TENM1: variants seen among roughly 807,000 people sequenced by gnomAD.
The protein encoded by TENM1 is teneurin-1.
Under a neutral mutation model 174.8 loss-of-function variants are expected in TENM1, and 35 were observed. That is an observed-to-expected ratio of 0.20 (90% CI 0.15 to 0.27). The LOEUF is 0.27. Ranked by LOEUF, TENM1 falls within the 10% of genes least tolerant of loss-of-function variation. TENM1 has a pLI of 1.00. For missense variants in TENM1, 1,633 were observed against 2,130.1 expected (o/e 0.77, Z 4.59); for synonymous variants, 781 against 798.7 (o/e 0.98, Z 0.37).
the TENM1 span, among the ~76,000 whole-genome samples, chrX:124,992,044 C>T: frequency 9.0e-6 from 1 of 111,202 alleles, no homozygotes; most frequent in East Asian, 2.8e-4. Flanking sequence ...AATCAGGCTC[C>T]AAACCTCAGG....
intron 22 of TENM1, among the ~76,000 whole-genome samples, chrX:124,459,258 T>C (rs1347158214): frequency 3.6e-5 from 4 of 111,940 alleles, no homozygotes. Context: ...ACTGAAAATC[T>C]ATGAAAGATG....
At chrX:124,470,761 C>T (rs1269787277) in intron 22 of TENM1, among the ~76,000 whole-genome samples, 1 of 110,535 alleles carries the variant, frequency 9.0e-6, no homozygotes, top group African/African-American at 3.3e-5. Flanking sequence ...GTAACATGCT[C>T]AGGTGGGAGT....
chrX:124,483,566 T>C (rs1238780541), intron 21 of TENM1, among the ~76,000 whole-genome samples: 1 of 112,633 alleles, frequency 8.9e-6, no homozygotes, highest in Non-Finnish European at 1.9e-5. Context: ...GCTCACTTCT[T>C]TTTATCTCTG....
At chrX:124,534,107 T>A (rs1383121321) in intron 15 of TENM1, among the ~76,000 whole-genome samples, 1 of 111,956 alleles carries the variant, frequency 8.9e-6, no homozygotes, top group East Asian at 2.8e-4. Context: ...CTACCTGCTG[T>A]CACTATGCTA....
the TENM1 span, among the ~76,000 whole-genome samples, chrX:125,111,967 T>C: frequency 8.9e-6 from 1 of 111,779 alleles, no homozygotes; most frequent in African/African-American, 3.2e-5. Context: ...GTGAAGTGCC[T>C]GAACCCACCA....
chrX:124,905,484 T>C (rs995292355), intron 1 of TENM1, among the ~76,000 whole-genome samples: 6 of 111,824 alleles, frequency 5.4e-5, no homozygotes, highest in African/African-American at 2.0e-4. Flanking sequence ...AAATTTATTC[T>C]CCTGCCTTAA....
In TENM1 at chrX:124,611,135, C is replaced by T. The variant is rs770662149; in HGVS notation, c.2077+30656G>A. Among the ~76,000 whole-genome samples the T allele has an allele frequency of 3.6e-5, 4 of 111,923 alleles. No homozygotes were observed. The East Asian group carries it at 1.1e-3, about 32-fold the overall frequency. On this transcript the variant is annotated intron_variant, in intron 11 of 31. Coordinates refer to ENST00000422452, the Ensembl canonical transcript of TENM1. ...TTATTTTTCATTCATGCTACATGTG[C>T]AATGCAGTTCAGAAGGTGGTGCTCT...
At chrX:124,928,325 C>A (rs755316131) in intron 1 of TENM1, among the ~76,000 whole-genome samples, 25 of 111,954 alleles carry the variant, frequency 2.2e-4, no homozygotes, top group African/African-American at 7.8e-4. Context: ...CTTAAAAAAC[C>A]TCCATATTTT....
intron 22 of TENM1, among the ~76,000 whole-genome samples, chrX:124,462,887 G>A (rs1368745163): frequency 8.9e-6 from 1 of 111,786 alleles, no homozygotes; most frequent in African/African-American, 3.3e-5. Context: ...GCTTAGAAAG[G>A]ATGCAGTGAC....
the TENM1 span, among the ~76,000 whole-genome samples, chrX:125,117,100 G>A: frequency 9.0e-6 from 1 of 110,689 alleles, no homozygotes; most frequent in East Asian, 2.8e-4. Flanking sequence ...TGGTGGGAGT[G>A]TAAATTAGTT....
At chrX:124,658,307 C>T (rs949372556) in intron 6 of TENM1, among the ~76,000 whole-genome samples, 1 of 111,338 alleles carries the variant, frequency 9.0e-6, no homozygotes, top group African/African-American at 3.3e-5. Context: ...TTATATTACC[C>T]AAAAGTAGTC....
At chrX:125,154,045 G>A in the TENM1 span, among the ~76,000 whole-genome samples, 1 of 112,033 alleles carries the variant, frequency 8.9e-6, no homozygotes, top group African/African-American at 3.2e-5. Flanking sequence ...AAGAACAGCA[G>A]GATGTTTTTA....
At chrX:124,763,240 A>T (rs1305478024) in intron 3 of TENM1, among the ~76,000 whole-genome samples, 1 of 111,222 alleles carries the variant, frequency 9.0e-6, no homozygotes, top group Non-Finnish European at 1.9e-5. Flanking sequence ...GGCCCTAATG[A>T]AAGGGAGCAG....
At chrX:124,811,786 T>C (rs1023083518) in intron 3 of TENM1, among the ~76,000 whole-genome samples, 1 of 111,080 alleles carries the variant, frequency 9.0e-6, no homozygotes, top group Non-Finnish European at 1.9e-5. Flanking sequence ...AACAGATGAA[T>C]TGATAAAGAA....
rs912780828 is a variant in TENM1 at position 124,921,197 on chromosome X, C to T, written c.218-24956G>A. On this transcript the variant is annotated intron_variant, in intron 1 of 31. Coordinates refer to ENST00000422452, the Ensembl canonical transcript of TENM1. ...CTGTATAAGATGTTTTAGAAATTAC[C>T]CCCCCAAATTCTCATTATTACAATT... 3.7e-5 allele frequency among the ~76,000 whole-genome samples: 4 copies of T among 108,481 alleles called. No homozygotes were observed. In the Admixed American group the frequency reaches 4.0e-4, roughly 11 times the overall value. 94.2% of individuals were successfully genotyped at this position (108,481 alleles called of 115,157 possible). A position where few individuals can be genotyped will look rare whatever the true frequency, so the allele number is the denominator to read the frequency against.
chrX:124,493,764 T>C (rs992575528), intron 20 of TENM1, among the ~76,000 whole-genome samples: 1 of 111,544 alleles, frequency 9.0e-6, no homozygotes, highest in Non-Finnish European at 1.9e-5. Context: ...AAATGACAAG[T>C]CCCCATGAGG....
intron 1 of TENM1, among the ~76,000 whole-genome samples, chrX:124,948,715 G>A (rs2058438299): frequency 8.9e-6 from 1 of 111,809 alleles, no homozygotes; most frequent in Admixed American, 9.5e-5. Context: ...ACCATGCCCA[G>A]CTAATTTTTT....
At chrX:124,564,466 A>T (rs1288441821) in intron 12 of TENM1, among the ~76,000 whole-genome samples, 1 of 111,756 alleles carries the variant, frequency 8.9e-6, no homozygotes, top group Non-Finnish European at 1.9e-5. Context: ...TTGGGTATCC[A>T]GAGGCCCACA....
intron 27 of TENM1, among the ~76,000 whole-genome samples, chrX:124,393,415 G>C (rs1365847977): frequency 9.2e-6 from 1 of 108,754 alleles, no homozygotes; most frequent in African/African-American, 3.4e-5. Context: ...TTTTTTTTGT[G>C]TGTGTGTGTT....
Sources: gnomAD v4.1 joint callset for allele counts (sites outside exome capture counted in the v4.1 genomes callset) on GRCh38, gnomAD v4.1.1 for gene constraint, MANE v1.5 for transcripts, NCBI Gene and HGNC (gene_info 2026-07-23, HGNC 2026-07-21) for gene names.